TMEM132B: variants seen among roughly 807,000 people sequenced by gnomAD.
The protein encoded by TMEM132B is transmembrane protein 132B.
A neutral mutation model predicts 90.8 loss-of-function variants in TMEM132B; 18 were observed. The ratio of observed to expected loss-of-function variants is 0.20; its 90% CI spans 0.14 to 0.29. The LOEUF is 0.29. Ranked by LOEUF, TMEM132B falls within the 10% of genes least tolerant of loss-of-function variation. The pLI is 1.00. For synonymous variants in TMEM132B, 504 were observed against 523.3 expected, an observed-to-expected ratio of 0.96 and a Z score of 0.50; for missense variants, 1,096 against 1,326.8, an observed-to-expected ratio of 0.83 and a Z score of 2.70.
At chr12:125,339,575 T>C (rs1049813282) in intron 1 of TMEM132B, among the ~76,000 whole-genome samples, 4 of 152,214 alleles carry the variant, frequency 2.6e-5, no homozygotes, top group Admixed American at 2.0e-4. Context: ...GAATGCTTGG[T>C]ACTTCTCCCC....
intron 4 of TMEM132B, among the ~76,000 whole-genome samples, chr12:125,564,849 A>G (rs1033580653): frequency 1.3e-5 from 2 of 152,248 alleles, no homozygotes; most frequent in South Asian, 2.1e-4. Flanking sequence ...CCCTGCTAGC[A>G]TATGCTAAGA....
At chr12:125,442,319 G>C (rs529542568) in intron 3 of TMEM132B, among the ~76,000 whole-genome samples, 1 of 100,074 alleles carries the variant, frequency 1.0e-5, no homozygotes, top group African/African-American at 4.9e-5. Context: ...CATAGGATCA[G>C]GAATTTGAAT....
intron 1 of TMEM132B, chr12:125,301,377 T>G (rs1333170513): frequency 6.6e-6 from 1 of 152,250 alleles, no homozygotes; most frequent in Non-Finnish European, 1.5e-5. Flanking sequence ...TGCCTTGCTT[T>G]GGCCACTAGA....
chr12:125,479,668 C>G (rs1044203251), intron 3 of TMEM132B, among the ~76,000 whole-genome samples: 1 of 152,184 alleles, frequency 6.6e-6, no homozygotes, highest in Non-Finnish European at 1.5e-5. Flanking sequence ...TAATGGGAGA[C>G]TTTAACACCC....
chr12:125,537,394 C>A (rs1883834001), intron 4 of TMEM132B, among the ~76,000 whole-genome samples: 1 of 152,216 alleles, frequency 6.6e-6, no homozygotes, highest in Admixed American at 6.5e-5. Context: ...AGCAGAAAGA[C>A]TCATTAAAGC....
intron 2 of TMEM132B, among the ~76,000 whole-genome samples, chr12:125,365,327 C>G (rs1355512683): frequency 6.6e-6 from 1 of 151,998 alleles, no homozygotes; most frequent in Non-Finnish European, 1.5e-5. Context: ...TTAACCATCC[C>G]ATGTCCTTTA....
chr12:125,188,105 G>A (rs193172398), intron 1 of TMEM132B, among the ~76,000 whole-genome samples: 21 of 152,314 alleles, frequency 1.4e-4, no homozygotes, highest in African/African-American at 4.6e-4. Context: ...GTCAGTGTCG[G>A]CTTCCTTTGA....
At position 125,536,463 on chromosome 12, in the gene TMEM132B, C is replaced by T. The variant is rs114977589; in HGVS notation, c.1293+16838C>T. Reference sequence around the variant, plus strand: ...TAGCTAGGACTCAAATCCAGCACTTCCATGAACTCACTCGCCAACACTGCA... The same window carrying T: ...TAGCTAGGACTCAAATCCAGCACTTTCATGAACTCACTCGCCAACACTGCA... On this transcript the variant is annotated intron_variant, in intron 4 of 8. Transcript: ENST00000682704. Among the ~76,000 whole-genome samples, 375 of 152,304 alleles carry T rather than the reference C, an allele frequency of 2.5e-3. 1 individual carries two copies. The highest frequency in any genetic ancestry group is 8.8e-3 in the African/African-American group (366 of 41,556).
intron 1 of TMEM132B, among the ~76,000 whole-genome samples, chr12:125,322,863 T>C (rs534813188): frequency 6.7e-6 from 1 of 148,802 alleles, no homozygotes; most frequent in South Asian, 2.2e-4. Context: ...TAGAAAATCA[T>C]AGAAATGTAC....
intron 1 of TMEM132B, among the ~76,000 whole-genome samples, chr12:125,200,212 G>C (rs904710121): frequency 1.3e-5 from 2 of 152,146 alleles, no homozygotes; most frequent in African/African-American, 4.8e-5. Context: ...GAAAATAAAA[G>C]CAATTTGCTG....
intron 1 of TMEM132B, among the ~76,000 whole-genome samples, chr12:125,328,803 G>A (rs935863941): frequency 2.0e-5 from 3 of 152,098 alleles, no homozygotes; most frequent in Non-Finnish European, 4.4e-5. Context: ...CCTCAAGACC[G>A]CACTGGGGCC....
intron 1 of TMEM132B, among the ~76,000 whole-genome samples, chr12:125,346,858 T>C (rs1566008743): frequency 6.6e-6 from 1 of 152,250 alleles, no homozygotes. Flanking sequence ...AATTAACATA[T>C]TGTGTTTTCT....
At chr12:125,371,405 C>T (rs372401171) in intron 2 of TMEM132B, among the ~76,000 whole-genome samples, 1 of 152,128 alleles carries the variant, frequency 6.6e-6, no homozygotes, top group Admixed American at 6.5e-5. Flanking sequence ...ATCCGAGGGA[C>T]CCGGGGTGTC....
At chr12:125,414,062 T>C (rs1016352037) in intron 2 of TMEM132B, among the ~76,000 whole-genome samples, 6 of 152,190 alleles carry the variant, frequency 3.9e-5, no homozygotes, top group East Asian at 1.9e-4. Context: ...GTCATTGTGG[T>C]TTGGATTTGC....
At chr12:125,564,660 T>G (rs1186407308) in intron 4 of TMEM132B, among the ~76,000 whole-genome samples, 1 of 152,212 alleles carries the variant, frequency 6.6e-6, no homozygotes, top group Non-Finnish European at 1.5e-5. Flanking sequence ...ATGTGCCTCT[T>G]GTTTTTTCCT....
chr12:125,583,469 A>C (rs1199787761), intron 4 of TMEM132B, among the ~76,000 whole-genome samples: 1 of 152,192 alleles, frequency 6.6e-6, no homozygotes, highest in Non-Finnish European at 1.5e-5. Context: ...AGCCCAGAAT[A>C]TAGGCATTCA....
intron 3 of TMEM132B, among the ~76,000 whole-genome samples, chr12:125,422,403 C>T (rs1473732046): frequency 6.6e-6 from 1 of 152,170 alleles, no homozygotes; most frequent in Non-Finnish European, 1.5e-5. Context: ...CCTGCTCTTG[C>T]CCAGCCAGCT....
chr12:125,543,234 C>T (rs1432440530), intron 4 of TMEM132B, among the ~76,000 whole-genome samples: 1 of 152,176 alleles, frequency 6.6e-6, no homozygotes, highest in East Asian at 1.9e-4. Context: ...ATAATGCAGT[C>T]ATCCCTCCCT....
In TMEM132B at chr12:125,654,197, C is replaced by T. The variant is rs1887003022; in HGVS notation, c.2739C>T (p.Phe913=). 1.2e-6 allele frequency: 2 copies of T among 1,614,236 alleles called. No individual in the cohort carries two copies. Among genetic ancestry groups the T allele is most frequent in the Non-Finnish European group, 1.7e-6 (2 of 1,180,054 alleles). The change falls in exon 9 of 9, where the codon TTC becomes TTT. Residue 913 remains phenylalanine, a synonymous_variant. Coordinates refer to ENST00000682704, the MANE Select transcript of TMEM132B (RefSeq NM_001366854.1). The surrounding 1 kb of genome is among the most constrained non-coding windows in gnomAD (Gnocchi z 5.8). ...GCATGTATGCCTTGCTCTGCGTCTT[C>T]TGTCTGGCCATTCTGGTCTTCTTGA... The part of the protein sequence containing the change: ...EIGMYALLCV[F]CLAILVFLIN...
Sources: gnomAD v4.1 joint callset for allele counts (sites outside exome capture counted in the v4.1 genomes callset) on GRCh38, gnomAD v4.1.1 for gene constraint, Gnocchi (gnomAD v3.1) non-coding constraint, MANE v1.5 for transcripts, NCBI Gene and HGNC (gene_info 2026-07-23, HGNC 2026-07-21) for gene names.